Variants in CA10 observed in about 807,000 individuals in gnomAD.
CA10 encodes carbonic anhydrase 10 (inactive), also known as carbonic anhydrase-related protein 10.
Under a neutral mutation model 44.2 loss-of-function variants are expected in CA10, and 14 were observed. The ratio of observed to expected loss-of-function variants is 0.32; its 90% CI spans 0.21 to 0.50. The LOEUF is 0.50. CA10 is among the 20% of genes least tolerant of loss of function. The pLI, the probability that CA10 is intolerant of heterozygous loss-of-function variation, is 0.99. For missense variants in CA10, 350 were observed against 409.7 expected (o/e 0.85, Z 1.26); for synonymous variants, 159 against 141.6 (o/e 1.12, Z -0.87).
chr17:52,131,479 T>C (rs1989238332), intron 1 of CA10, among the ~76,000 whole-genome samples: 1 of 152,208 alleles, frequency 6.6e-6, no homozygotes, highest in African/African-American at 2.4e-5. Context: ...ATTACAACTA[T>C]ATGCAGAAAG....
intron 3 of CA10, among the ~76,000 whole-genome samples, chr17:51,756,756 G>A (rs1226792377): frequency 1.3e-5 from 2 of 152,114 alleles, no homozygotes; most frequent in African/African-American, 4.8e-5. Flanking sequence ...GATTACAGGT[G>A]TGAGCCACTG....
chr17:51,922,330 T>C (rs1181702547), intron 3 of CA10, among the ~76,000 whole-genome samples: 2 of 152,322 alleles, frequency 1.3e-5, no homozygotes, highest in African/African-American at 2.4e-5. Context: ...GGCTAGACAG[T>C]AGCAATCTAA....
chr17:52,014,227 A>G (rs1985898029), intron 2 of CA10, among the ~76,000 whole-genome samples: 1 of 152,014 alleles, frequency 6.6e-6, no homozygotes, highest in South Asian at 2.1e-4. Context: ...GTAGAAATAT[A>G]AGGAATGATG....
At chr17:52,152,917 G>A (rs1247607733) in intron 1 of CA10, among the ~76,000 whole-genome samples, 1 of 152,036 alleles carries the variant, frequency 6.6e-6, no homozygotes, top group Non-Finnish European at 1.5e-5. Flanking sequence ...ATTTATAAAG[G>A]TAATGAAGGT....
chr17:51,673,249 T>C (rs980152970), intron 4 of CA10, among the ~76,000 whole-genome samples: 4 of 152,218 alleles, frequency 2.6e-5, no homozygotes, highest in Middle Eastern at 3.2e-3. Flanking sequence ...ATGTCCCAGA[T>C]GGTAGAGCCA....
chr17:51,742,911 A>G (rs1904519547), intron 4 of CA10, among the ~76,000 whole-genome samples: 1 of 152,216 alleles, frequency 6.6e-6, no homozygotes, highest in South Asian at 2.1e-4. Flanking sequence ...CTATCTAGTG[A>G]GAGCTATTTC....
At chr17:51,638,796 G>T (rs1313259292) in intron 6 of CA10, among the ~76,000 whole-genome samples, 1 of 152,200 alleles carries the variant, frequency 6.6e-6, no homozygotes, top group East Asian at 1.9e-4. Context: ...ATGAATCGAG[G>T]AGTTGACTTG....
intron 3 of CA10, among the ~76,000 whole-genome samples, chr17:51,914,487 G>C (rs1981915148): frequency 6.6e-6 from 1 of 152,116 alleles, no homozygotes; most frequent in Non-Finnish European, 1.5e-5. Flanking sequence ...CCAGGGAAGA[G>C]AGCAATGGTC....
At chr17:52,148,105 G>A (rs1989627541) in intron 1 of CA10, among the ~76,000 whole-genome samples, 1 of 152,108 alleles carries the variant, frequency 6.6e-6, no homozygotes, top group Admixed American at 6.5e-5. Context: ...AATGTTTTCT[G>A]ACACAAGACT....
intron 3 of CA10, among the ~76,000 whole-genome samples, chr17:51,857,762 G>C (rs1979119412): frequency 6.6e-6 from 1 of 152,194 alleles, no homozygotes; most frequent in Non-Finnish European, 1.5e-5. Flanking sequence ...ATAAGAGACA[G>C]TGGATGACAC....
chr17:51,723,966 C>T (rs1916436662), intron 4 of CA10, among the ~76,000 whole-genome samples: 1 of 152,168 alleles, frequency 6.6e-6, no homozygotes, highest in Non-Finnish European at 1.5e-5. Context: ...AGGGCTCTGA[C>T]ATCCCTTGCC....
At chr17:51,635,532 G>A (rs1401593065) in intron 7 of CA10, among the ~76,000 whole-genome samples, 1 of 151,524 alleles carries the variant, frequency 6.6e-6, no homozygotes, top group Non-Finnish European at 1.5e-5. Context: ...AAAAAAAAAA[G>A]ATGGAGGTAG....
chr17:52,071,259 G>A (rs771669322), intron 2 of CA10, among the ~76,000 whole-genome samples: 2 of 152,166 alleles, frequency 1.3e-5, no homozygotes, highest in Non-Finnish European at 2.9e-5. Flanking sequence ...TCATTTCTGA[G>A]GCTATTTGGC....
intron 6 of CA10, among the ~76,000 whole-genome samples, chr17:51,648,025 C>T (rs1913408756): frequency 6.6e-6 from 1 of 152,184 alleles, no homozygotes; most frequent in Non-Finnish European, 1.5e-5. Flanking sequence ...GGGCTGCTGT[C>T]TGGGCCATCT....
intron 3 of CA10, among the ~76,000 whole-genome samples, chr17:51,765,922 TCAC>T (rs1905364721): frequency 6.6e-6 from 1 of 152,012 alleles, no homozygotes; most frequent in South Asian, 2.1e-4. Flanking sequence ...GAAGCTGAGA[TCAC>T]TACGAGGTAA....
At chr17:51,642,551 G>A (rs776032987) in intron 6 of CA10, among the ~76,000 whole-genome samples, 12 of 152,208 alleles carry the variant, frequency 7.9e-5, no homozygotes, top group Non-Finnish European at 1.2e-4. Context: ...GTGTCAAAGC[G>A]CTGAATCTGA....
chr17:51,915,604 T>C (rs1255724906), intron 3 of CA10, among the ~76,000 whole-genome samples: 3 of 152,174 alleles, frequency 2.0e-5, no homozygotes, highest in Non-Finnish European at 4.4e-5. Context: ...CTTTCCCCCA[T>C]TACATTCCTC....
At chr17:51,862,597 T>A (rs1428822915) in intron 3 of CA10, among the ~76,000 whole-genome samples, 1 of 152,102 alleles carries the variant, frequency 6.6e-6, no homozygotes, top group Non-Finnish European at 1.5e-5. Flanking sequence ...TCAGAAACTA[T>A]CTTTGCTTGG....
At chr17:51,645,021 C>T (rs1173460499) in intron 6 of CA10, among the ~76,000 whole-genome samples, 1 of 152,118 alleles carries the variant, frequency 6.6e-6, no homozygotes, top group Non-Finnish European at 1.5e-5. Flanking sequence ...TGGTCTCGAA[C>T]TCCTGACCTC....
Sources: allele counts gnomAD v4.1 joint callset (sites outside exome capture counted in the v4.1 genomes callset), GRCh38; gene constraint gnomAD v4.1.1; transcripts MANE v1.5; gene names NCBI Gene and HGNC (gene_info 2026-07-23, HGNC 2026-07-21).